The following SAMMSON variants were observed in gnomAD, a reference collection of about 807,000 sequenced individuals.
SAMMSON encodes the protein survival associated mitochondrial melanoma specific oncogenic non-coding RNA.
intron 2 of SAMMSON, among the ~76,000 whole-genome samples, chr3:70,415,471 T>C (rs373526960): frequency 3.9e-5 from 6 of 152,118 alleles, no homozygotes; most frequent in African/African-American, 1.4e-4. Flanking sequence ...GTTTATTACA[T>C]AGGTGAGTGG....
At chr3:70,007,990 G>T (rs1232974502) in intron 1 of SAMMSON, among the ~76,000 whole-genome samples, 1 of 151,980 alleles carries the variant, frequency 6.6e-6, no homozygotes, top group African/African-American at 2.4e-5. Context: ...GCTCTGTTCT[G>T]TTCCATTGGT....
intron 4 of SAMMSON, among the ~76,000 whole-genome samples, chr3:70,222,391 T>C (rs2106737725): frequency 6.6e-6 from 1 of 152,296 alleles, no homozygotes; most frequent in Non-Finnish European, 1.5e-5. Context: ...GTCAAATGAG[T>C]TATAGAAAAC....
rs79209338 is a variant in SAMMSON at position 70,323,458 on chromosome 3, G to A, written n.740-30717G>A. ...CCTCTTTGCAAACCTTACCTAAGTG[G>A]GAGAGTTGCAATGGTTGCCTGATCC... On this transcript the variant is annotated intron_variant and non_coding_transcript_variant, in intron 7 of 9. Coordinates refer to ENST00000642114, the Ensembl canonical transcript of SAMMSON. Among the ~76,000 whole-genome samples the A allele has an allele frequency of 2.0e-5, 3 of 152,200 alleles. No homozygotes were observed. In the East Asian group the frequency reaches 5.8e-4, roughly 30 times the overall value.
At chr3:70,059,389 G>A (rs1320786028) in intron 3 of SAMMSON, among the ~76,000 whole-genome samples, 3 of 152,004 alleles carry the variant, frequency 2.0e-5, no homozygotes. Context: ...AATTATGGGA[G>A]TTGAGAATTC....
chr3:70,293,254 A>G (rs1456000583), intron 7 of SAMMSON, among the ~76,000 whole-genome samples: 1 of 152,090 alleles, frequency 6.6e-6, no homozygotes, highest in Non-Finnish European at 1.5e-5. Context: ...AATGCATAAA[A>G]TAAAGTACAT....
chr3:70,276,634 G>T (rs9863812), intron 6 of SAMMSON, among the ~76,000 whole-genome samples: 94,269 of 151,712 alleles, frequency 0.62, 30,792 homozygotes, highest in Non-Finnish European at 0.74. Flanking sequence ...AATAATCTAA[G>T]GTAGAGGTCG....
At chr3:70,180,520 G>C (rs1009563153) in intron 4 of SAMMSON, among the ~76,000 whole-genome samples, 2 of 152,014 alleles carry the variant, frequency 1.3e-5, no homozygotes, top group African/African-American at 4.8e-5. Context: ...TTAGAAAACA[G>C]AAACCTAAGA....
intron 3 of SAMMSON, among the ~76,000 whole-genome samples, chr3:70,064,911 A>G (rs1216091595): frequency 2.0e-5 from 3 of 152,182 alleles, no homozygotes; most frequent in South Asian, 4.1e-4. Context: ...ATAGGATTTG[A>G]TTGCTAAAAT....
intron 7 of SAMMSON, among the ~76,000 whole-genome samples, chr3:70,329,193 T>A (rs1702602407): frequency 6.6e-6 from 1 of 152,146 alleles, no homozygotes; most frequent in Non-Finnish European, 1.5e-5. Context: ...AGAACTCAAG[T>A]GTGACAGGAG....
At chr3:70,387,012 G>A (rs1241165126) in intron 9 of SAMMSON, among the ~76,000 whole-genome samples, 1 of 151,872 alleles carries the variant, frequency 6.6e-6, no homozygotes, top group Non-Finnish European at 1.5e-5. Context: ...AAAAGATCTA[G>A]GGAATTGAGG....
At chr3:70,007,914 C>A (rs1283195626) in intron 1 of SAMMSON, among the ~76,000 whole-genome samples, 1 of 152,038 alleles carries the variant, frequency 6.6e-6, no homozygotes, top group African/African-American at 2.4e-5. Flanking sequence ...ATCCTTTCCC[C>A]ATTTCTTTTT....
At chr3:70,117,991 C>T (rs943827505) in intron 4 of SAMMSON, among the ~76,000 whole-genome samples, 1 of 152,092 alleles carries the variant, frequency 6.6e-6, no homozygotes, top group African/African-American at 2.4e-5. Flanking sequence ...CATCTCGGCT[C>T]ACTGCAACCT....
At chr3:70,235,810 AAAT>A (rs1701600952) in intron 4 of SAMMSON, among the ~76,000 whole-genome samples, 1 of 152,222 alleles carries the variant, frequency 6.6e-6, no homozygotes, top group South Asian at 2.1e-4. Context: ...TATAGAAAAG[AAAT>A]AATTATAGCA....
chr3:70,372,874 G>A (rs1273517119), intron 9 of SAMMSON, among the ~76,000 whole-genome samples: 3 of 152,034 alleles, frequency 2.0e-5, no homozygotes, highest in Non-Finnish European at 4.4e-5. Context: ...CAGTCTACTG[G>A]TGTCATTTTT....
chr3:69,999,767 A>G (rs950729239), upstream of SAMMSON: 1 of 152,390 alleles, frequency 6.6e-6, no homozygotes, highest in Non-Finnish European at 1.5e-5. Context: ...ACATTTGAGG[A>G]ACACATCCGG....
chr3:70,288,963 G>A (rs1288715684), intron 6 of SAMMSON, among the ~76,000 whole-genome samples: 8 of 151,950 alleles, frequency 5.3e-5, no homozygotes, highest in African/African-American at 7.3e-5. Flanking sequence ...CTCTGCACGT[G>A]AGATGGGTTT....
chr3:70,225,512 T>G (rs1002629362), intron 4 of SAMMSON, among the ~76,000 whole-genome samples: 3 of 152,202 alleles, frequency 2.0e-5, no homozygotes, highest in Non-Finnish European at 4.4e-5. Context: ...TTTCTATTAT[T>G]CTAGTTTAAG....
chr3:70,207,524 C>T (rs530598218), intron 4 of SAMMSON, among the ~76,000 whole-genome samples: 1 of 152,070 alleles, frequency 6.6e-6, no homozygotes, highest in East Asian at 1.9e-4. Flanking sequence ...AAGCCCCAAG[C>T]GTTGTATGTA....
chr3:70,373,023 A>G (rs1450219725), intron 9 of SAMMSON, among the ~76,000 whole-genome samples: 1 of 152,172 alleles, frequency 6.6e-6, no homozygotes, highest in African/African-American at 2.4e-5. Context: ...TCAACTGTCA[A>G]ACATAATTCA....
Sources: allele counts gnomAD v4.1 joint callset (sites outside exome capture counted in the v4.1 genomes callset), GRCh38; gene constraint gnomAD v4.1.1; transcripts MANE v1.5; gene names NCBI Gene and HGNC (gene_info 2026-07-23, HGNC 2026-07-21).